SSBP3: variants seen among roughly 807,000 people sequenced by gnomAD.
The protein encoded by SSBP3 is single stranded DNA binding protein 3.
Under a neutral mutation model 69.6 loss-of-function variants are expected in SSBP3, and 5 were observed. That is an observed-to-expected ratio of 0.07 (90% CI 0.04 to 0.15). The LOEUF (loss-of-function observed/expected upper bound fraction) is 0.15, where lower values mean the gene tolerates loss of function less well. Ranked by LOEUF, SSBP3 falls within the 10% of genes least tolerant of loss-of-function variation. The probability of loss-of-function intolerance (pLI) is 1.00; values close to 1 mark genes in which losing one functional copy is unlikely to be tolerated. For synonymous variants in SSBP3, 196 were observed against 193.4 expected (o/e 1.01, Z -0.11); for missense variants, 312 against 534.0 (o/e 0.58, Z 4.10).
At chr1:54,381,406 A>AAAAG (rs1557580417) in intron 4 of SSBP3, among the ~76,000 whole-genome samples, 2 of 146,516 alleles carry the variant, frequency 1.4e-5, no homozygotes, top group African/African-American at 5.0e-5. Context: ...AAAAAAAAAA[A>AAAAG]AGAGAGAGAG....
intron 14 of SSBP3, among the ~76,000 whole-genome samples, chr1:54,229,454 G>C (rs559099347): frequency 2.0e-5 from 3 of 152,164 alleles, no homozygotes; most frequent in Non-Finnish European, 4.4e-5. Flanking sequence ...GTGGGGAAGA[G>C]AGAGCTAGGG....
At chr1:54,281,777 A>G (rs1361270360) in intron 4 of SSBP3, among the ~76,000 whole-genome samples, 1 of 152,054 alleles carries the variant, frequency 6.6e-6, no homozygotes, top group East Asian at 1.9e-4. Context: ...GCAAGCAACG[A>G]ATTCCGAGGC....
chr1:54,373,750 G>A (rs1445104026), intron 4 of SSBP3, among the ~76,000 whole-genome samples: 1 of 149,676 alleles, frequency 6.7e-6, no homozygotes, highest in Non-Finnish European at 1.5e-5. Flanking sequence ...CTGGGTGACA[G>A]AGTAAGACCC....
intron 4 of SSBP3, among the ~76,000 whole-genome samples, chr1:54,306,261 G>A (rs1645899741): frequency 6.6e-6 from 1 of 152,200 alleles, no homozygotes; most frequent in African/African-American, 2.4e-5. Context: ...GTGAAAGAAT[G>A]AGAGGAATAT....
intron 7 of SSBP3, among the ~76,000 whole-genome samples, chr1:54,252,213 T>G (rs1358504043): frequency 6.6e-6 from 1 of 152,220 alleles, no homozygotes; most frequent in Non-Finnish European, 1.5e-5. Flanking sequence ...CACCTTCCTC[T>G]CAGAGGCAGC....
intron 4 of SSBP3, among the ~76,000 whole-genome samples, chr1:54,398,418 T>C (rs377168856): frequency 5.9e-5 from 9 of 152,222 alleles, no homozygotes; most frequent in African/African-American, 2.2e-4. Flanking sequence ...CAAAATTAGC[T>C]ACCACATGGA....
intron 13 of SSBP3, among the ~76,000 whole-genome samples, chr1:54,240,081 TGTGTGTGCGC>T (rs775346895): frequency 0.14 from 3,955 of 29,230 alleles, 88 homozygotes; most frequent in East Asian, 0.37. Flanking sequence ...TGTGTGTGTG[TGTGTGTGCGC>T]GCGCGCGCGT....
At chr1:54,293,689 G>T (rs1347842805) in intron 4 of SSBP3, among the ~76,000 whole-genome samples, 3 of 152,184 alleles carry the variant, frequency 2.0e-5, no homozygotes, top group African/African-American at 7.2e-5. Flanking sequence ...CGTCATTTAT[G>T]TGTTTCTCAG....
At chr1:54,242,094 G>A in intron 11 of SSBP3, 70 bp downstream of exon 11, 3 of 1,564,138 alleles carry the variant, frequency 1.9e-6, no homozygotes, top group Non-Finnish European at 1.8e-6. Flanking sequence ...CTACACCCAG[G>A]GACAGTAGCT....
chr1:54,361,699 G>GT (rs1646954919), intron 4 of SSBP3, among the ~76,000 whole-genome samples: 1 of 152,050 alleles, frequency 6.6e-6, no homozygotes, highest in African/African-American at 2.4e-5. Flanking sequence ...ACCATCAGTG[G>GT]TATCTATCAA....
intron 4 of SSBP3, among the ~76,000 whole-genome samples, chr1:54,398,215 G>C (rs1649033403): frequency 6.6e-6 from 1 of 152,132 alleles, no homozygotes; most frequent in Non-Finnish European, 1.5e-5. Flanking sequence ...GTGAGATTTT[G>C]TAACAAAACC....
intron 4 of SSBP3, among the ~76,000 whole-genome samples, chr1:54,290,639 A>G (rs1274117327): frequency 1.3e-5 from 2 of 152,188 alleles, no homozygotes; most frequent in African/African-American, 4.8e-5. Context: ...ATCAAAGGTC[A>G]CTGTTTGGTA....
At chr1:54,390,110 C>T (rs774804471) in intron 4 of SSBP3, among the ~76,000 whole-genome samples, 3 of 152,110 alleles carry the variant, frequency 2.0e-5, no homozygotes, top group Non-Finnish European at 2.9e-5. Flanking sequence ...TCAGTTCTTC[C>T]GTCACGAAAT....
intron 4 of SSBP3, among the ~76,000 whole-genome samples, chr1:54,333,115 G>C (rs996526545): frequency 2.6e-5 from 4 of 152,156 alleles, no homozygotes; most frequent in Admixed American, 6.5e-5. Flanking sequence ...CCACTGCTTG[G>C]GGGTGGGGAA....
At chr1:54,404,962 G>C in intron 1 of SSBP3, 32 bp from the exon 2 acceptor site, 2 of 1,594,192 alleles carry the variant, frequency 1.3e-6, no homozygotes, top group Non-Finnish European at 1.7e-6. Context: ...AAGAGAGAGA[G>C]GGAAAGGCGT....
intron 4 of SSBP3, among the ~76,000 whole-genome samples, chr1:54,353,439 A>G (rs1646814663): frequency 6.6e-6 from 1 of 152,140 alleles, no homozygotes; most frequent in Non-Finnish European, 1.5e-5. Flanking sequence ...CCATCCTCAG[A>G]AGCTTCAGCC....
intron 4 of SSBP3, among the ~76,000 whole-genome samples, chr1:54,311,355 G>C (rs1200480540): frequency 7.9e-5 from 12 of 152,180 alleles, no homozygotes; most frequent in Non-Finnish European, 2.9e-5. Flanking sequence ...GCAGTGTGGA[G>C]GGTCTGTCAT....
intron 3 of SSBP3, among the ~76,000 whole-genome samples, chr1:54,402,577 C>T (rs535530813): frequency 6.6e-6 from 1 of 152,140 alleles, no homozygotes; most frequent in East Asian, 1.9e-4. Context: ...ACCACTCCTC[C>T]CTCCATGCAC....
chr1:54,292,910 C>T (rs6659560), intron 4 of SSBP3, among the ~76,000 whole-genome samples: 2 of 152,060 alleles, frequency 1.3e-5, no homozygotes, highest in African/African-American at 4.8e-5. Flanking sequence ...ACATCCCTAC[C>T]CTGCCAAGTG....
Sources: gnomAD v4.1 joint callset for allele counts (sites outside exome capture counted in the v4.1 genomes callset) on GRCh38, gnomAD v4.1.1 for gene constraint, MANE v1.5 for transcripts, NCBI Gene and HGNC (gene_info 2026-07-23, HGNC 2026-07-21) for gene names.